Variants in ELP3 observed in about 807,000 individuals in gnomAD.
ELP3 encodes the protein elongator complex protein 3.
A neutral mutation model predicts 74.9 loss-of-function variants in ELP3; 56 were observed. That is an observed-to-expected ratio of 0.75 (90% CI 0.60 to 0.93). ELP3 has a LOEUF of 0.93. Ranked by LOEUF, ELP3 falls within the 40% of genes least tolerant of loss-of-function variation. ELP3 has a pLI of 0.00. For missense variants in ELP3, 573 were observed against 686.5 expected (o/e 0.83, Z 1.85); for synonymous variants, 222 against 239.8 (o/e 0.93, Z 0.68).
chr8:28,098,034 A>G (rs1286880051), intron 2 of ELP3, among the ~76,000 whole-genome samples: 2 of 152,146 alleles, frequency 1.3e-5, no homozygotes, highest in African/African-American at 4.8e-5. Context: ...TCTCAGCTGA[A>G]GCAGCAGCTT....
chr8:28,171,911 G>C (rs1450070260), intron 14 of ELP3, among the ~76,000 whole-genome samples: 1 of 152,132 alleles, frequency 6.6e-6, no homozygotes, highest in Admixed American at 6.5e-5. Context: ...TTGTGAGAGA[G>C]ACTTTTCTTT....
chr8:28,110,223 C>G (rs1811860230), intron 5 of ELP3, 147 bp from the exon 6 acceptor site: 1 of 700,452 alleles, frequency 1.4e-6, no homozygotes, highest in Non-Finnish European at 2.4e-6. Context: ...TATTTTGAAC[C>G]CTGACAAGAC....
intron 3 of ELP3, among the ~76,000 whole-genome samples, chr8:28,104,205 T>C (rs1384324536): frequency 6.6e-6 from 1 of 152,262 alleles, no homozygotes; most frequent in East Asian, 1.9e-4. Flanking sequence ...TTGGGTGTTT[T>C]CTTACTAGGT....
chr8:28,164,103 G>A (rs575490321), intron 14 of ELP3, among the ~76,000 whole-genome samples: 61 of 152,184 alleles, frequency 4.0e-4, no homozygotes, highest in Non-Finnish European at 7.6e-4. Flanking sequence ...GGAAGAGCAT[G>A]CATATTCCAT....
At chr8:28,098,944 A>G (rs1811363219) in intron 2 of ELP3, among the ~76,000 whole-genome samples, 1 of 152,150 alleles carries the variant, frequency 6.6e-6, no homozygotes, top group Admixed American at 6.5e-5. Flanking sequence ...TGTGTGTTTT[A>G]TGACATATGT....
chr8:28,149,333 C>T (rs1813555176), intron 10 of ELP3, among the ~76,000 whole-genome samples: 1 of 152,166 alleles, frequency 6.6e-6, no homozygotes, highest in African/African-American at 2.4e-5. Context: ...CATAGTCTTG[C>T]TTAAATGTTT....
At position 28,103,427 on chromosome 8, in the gene ELP3, G is replaced by A. The variant is rs115094327; in HGVS notation, c.259-3286G>A. Among the ~76,000 whole-genome samples, 809 of 151,960 alleles carry A rather than the reference G, an allele frequency of 5.3e-3. 4 individuals are homozygous for A. The highest frequency in any genetic ancestry group is 0.018 in the African/African-American group (757 of 41,400). On this transcript the variant is annotated intron_variant, in intron 3 of 14. Coordinates refer to ENST00000256398, the MANE Select transcript of ELP3 (RefSeq NM_018091.6). ...ATTACTGAATGATAATCCATTGTAC[G>A]GATGTACCACTATTTGCTTATTCAT...
chr8:28,093,045 A>G (rs1811102027), upstream of ELP3: 1 of 1,119,448 alleles, frequency 8.9e-7, no homozygotes, highest in East Asian at 2.6e-5. Context: ...GTTAGTTGCA[A>G]CACGGGGCGG....
At chr8:28,153,077 G>A (rs1200386320) in intron 10 of ELP3, among the ~76,000 whole-genome samples, 2 of 152,182 alleles carry the variant, frequency 1.3e-5, no homozygotes, top group African/African-American at 4.8e-5. Flanking sequence ...CATCCAGGTA[G>A]CTCTGACTAT....
At chr8:28,117,133 C>T (rs980277622) in intron 7 of ELP3, among the ~76,000 whole-genome samples, 1 of 152,094 alleles carries the variant, frequency 6.6e-6, no homozygotes, top group Non-Finnish European at 1.5e-5. Context: ...CTGTAAATAT[C>T]TTAGACTTGC....
At chr8:28,176,641 C>T (rs763667415) in intron 14 of ELP3, among the ~76,000 whole-genome samples, 4 of 152,036 alleles carry the variant, frequency 2.6e-5, no homozygotes, top group East Asian at 1.9e-4. Flanking sequence ...CCAGCGTAAT[C>T]GTCGTTTTAG....
chr8:28,095,314 C>T (rs939766042), intron 1 of ELP3, among the ~76,000 whole-genome samples: 1 of 152,228 alleles, frequency 6.6e-6, no homozygotes, highest in Admixed American at 6.5e-5. Context: ...TCTTATCAGC[C>T]GATCCCCTTT....
rs547047451 is a variant in ELP3, at chr8:28,154,118, C to T, written c.1101-1824C>T. ...TTAGGTAAGCTGCTTTGAGTTATAG[C>T]GCTGTCCTTGAGTTATAGTGCTGTC... On this transcript the variant is annotated intron_variant, in intron 10 of 14. Coordinates refer to ENST00000256398, the MANE Select transcript of ELP3 (RefSeq NM_018091.6). Among the ~76,000 whole-genome samples, 36 of 152,240 alleles carry T rather than the reference C, an allele frequency of 2.4e-4. No individual in the cohort carries two copies. The South Asian group carries it at 2.5e-3, about 11-fold the overall frequency.
At chr8:28,122,705 A>G (rs1047540318) in intron 7 of ELP3, among the ~76,000 whole-genome samples, 2 of 151,988 alleles carry the variant, frequency 1.3e-5, no homozygotes, top group Non-Finnish European at 2.9e-5. Context: ...GGGTTTATCA[A>G]TTTTGTTGTT....
At chr8:28,176,489 A>G (rs1814760251) in intron 14 of ELP3, among the ~76,000 whole-genome samples, 2 of 152,148 alleles carry the variant, frequency 1.3e-5, no homozygotes, top group Admixed American at 1.3e-4. Context: ...GAGCTAAGGA[A>G]TGGGGGATGG....
chr8:28,134,132 G>A (rs767649872), intron 9 of ELP3, among the ~76,000 whole-genome samples: 11 of 152,104 alleles, frequency 7.2e-5, no homozygotes, highest in Non-Finnish European at 1.2e-4. Context: ...AGGCCCCGGG[G>A]TATGATGTTC....
At chr8:28,133,260 C>T (rs948175116) in intron 9 of ELP3, among the ~76,000 whole-genome samples, 9 of 151,896 alleles carry the variant, frequency 5.9e-5, no homozygotes, top group Middle Eastern at 3.5e-3. Context: ...TGTTTTTATC[C>T]TCTGACTCAT....
intron 2 of ELP3, among the ~76,000 whole-genome samples, chr8:28,098,937 G>T (rs115286072): frequency 1.6e-3 from 237 of 152,272 alleles, no homozygotes; most frequent in African/African-American, 5.3e-3. Context: ...GTATGTGTGT[G>T]TGTTTTATGA....
intron 11 of ELP3, among the ~76,000 whole-genome samples, chr8:28,157,289 C>CAAAAAAAAAAAAAAAAAAAAAA: frequency 9.4e-6 from 1 of 106,762 alleles, no homozygotes; most frequent in Non-Finnish European, 2.0e-5. Context: ...AAAAGCATGC[C>CAAAAAAAAAAAAAAAAAAAAAA]AAAAAAAAAA....
Sources: gnomAD v4.1 joint callset for allele counts (sites outside exome capture counted in the v4.1 genomes callset) on GRCh38, gnomAD v4.1.1 for gene constraint, MANE v1.5 for transcripts, NCBI Gene and HGNC (gene_info 2026-07-23, HGNC 2026-07-21) for gene names.